Variants in PKN3 observed in about 807,000 individuals in gnomAD.
PKN3 encodes protein kinase N3, also known as serine/threonine-protein kinase N3.
A neutral mutation model predicts 113.1 loss-of-function variants in PKN3; 91 were observed. That is an observed-to-expected ratio of 0.80 (90% confidence interval 0.68 to 0.96). The LOEUF (loss-of-function observed/expected upper bound fraction) is 0.96, where lower values mean the gene tolerates loss of function less well. PKN3 is among the 40% of genes least tolerant of loss of function. PKN3 has a pLI of 0.00. For missense variants in PKN3, 1,052 were observed against 1,202.2 expected (o/e 0.88, Z 1.85); for synonymous variants, 467 against 499.0 (o/e 0.94, Z 0.85).
chr9:128,713,740 G>T, intron 9 of PKN3, 98 bp downstream of exon 9: 1 of 1,244,700 alleles, frequency 8.0e-7, no homozygotes, highest in South Asian at 1.4e-5. Flanking sequence ...TGCAGAGACT[G>T]ACGACCAGAG....
chr9:128,714,371 G>T lies in PKN3; in HGVS notation c.1481+6G>T. On this transcript the variant is annotated splice_donor_region_variant and intron_variant, in intron 11 of 21. Coordinates refer to ENST00000291906, the MANE Select transcript of PKN3 (RefSeq NM_013355.5). ...TCTGACCCTGCCACTCCCAGGTGAG[G>T]AGCTCCCTTGCCCTAGACTGCATGC... The T allele has an allele frequency of 6.3e-7, 1 of 1,596,624 alleles. No homozygotes were observed. The highest frequency in any genetic ancestry group is 8.5e-7 in the Non-Finnish European group (1 of 1,170,050).
At chr9:128,709,292 A>AG (rs1564372034) in intron 6 of PKN3, among the ~76,000 whole-genome samples, 1 of 44,546 alleles carries the variant, frequency 2.2e-5, no homozygotes, top group African/African-American at 4.1e-5. Context: ...TCAAAAAAAA[A>AG]TAAAAAAATA....
intron 16 of PKN3, among the ~76,000 whole-genome samples, chr9:128,717,142 T>TC (rs1283832934): frequency 7.8e-6 from 1 of 127,716 alleles, no homozygotes; most frequent in African/African-American, 2.8e-5. Flanking sequence ...TTTTTTTTTT[T>TC]TGTGAGACAG....
rs140271016 is a variant in PKN3 at position 128,706,970 on chromosome 9, G to T, written c.598G>T (p.Val200Leu). ...AGCTGTGGCTGAGGGCGCCAAGAAC[G>T]TGGTGAAACTGCTTAGTAGCCGGAG... ...EAAVAEGAKNVVKLLSSRRTQ... is the reference protein window; with the variant it reads ...EAAVAEGAKNLVKLLSSRRTQ... Residue 200 changes from valine to leucine, a missense_variant, in exon 5 of 22, where the codon GTG (valine) becomes TTG (leucine). Physicochemically the swap from Val to Leu is conservative, Grantham distance 32. Around this residue, in one of 2 missense-constraint regions of PKN3, gnomAD observed 719 missense variants for 759.4 expected, o/e 0.95. Transcript: ENST00000291906. 1 of 1,614,092 alleles carries T rather than the reference G, an allele frequency of 6.2e-7. No homozygotes were observed. The highest frequency in any genetic ancestry group is 8.5e-7 in the Non-Finnish European group (1 of 1,180,042).
In PKN3 at chr9:128,719,685, G is replaced by C. The variant is rs1862463921; in HGVS notation, c.2126-1G>C. 1.3e-6 allele frequency: 2 copies of C among 1,542,906 alleles called. No homozygotes were observed. Among genetic ancestry groups the C allele is most frequent in the Non-Finnish European group, 1.7e-6 (2 of 1,145,158 alleles). ...CTATTGGTGTGCCTGTTGGTTTGCA[G>C]GGATCGGCTTCGGGGACCGGACTAG... is the stretch of plus-strand genomic sequence containing the variant. On this transcript the variant is annotated splice_acceptor_variant, in intron 18 of 21. Transcript: ENST00000291906. LOFTEE classifies it high-confidence loss of function.
chr9:128,707,172 C>A, intron 5 of PKN3, 50 bp from the exon 6 acceptor site: 1 of 1,579,116 alleles, frequency 6.3e-7, no homozygotes, highest in South Asian at 1.1e-5. Flanking sequence ...TGGGCTGCTG[C>A]CCCCTGCCAT....
rs377598367 is a variant in PKN3 at position 128,719,769 on chromosome 9, A to G, written c.2209A>G (p.Thr737Ala). Reference sequence around the variant, plus strand: ...CGAGGTGCTGACCCAGGAGGCATACACACGGGCTGTGGACTGGTGGGGGCT... The same window carrying G: ...CGAGGTGCTGACCCAGGAGGCATACGCACGGGCTGTGGACTGGTGGGGGCT... Reference protein sequence around the residue: ...APEVLTQEAYTRAVDWWGLGV... With the variant: ...APEVLTQEAYARAVDWWGLGV... The change falls in exon 19 of 22, where the codon ACA becomes GCA. Residue 737 changes from threonine to alanine, a missense_variant. By Grantham distance (58) the Thr-to-Ala change is moderately conservative. Around this residue, in one of 2 missense-constraint regions of PKN3, gnomAD observed 333 missense variants for 442.8 expected, o/e 0.75. Transcript: ENST00000291906. 4.4e-6 allele frequency: 7 copies of G among 1,605,840 alleles called. No homozygotes were observed. The Admixed American group carries it at 5.0e-5, about 12-fold the overall frequency.
Position 128,718,148 on chromosome 9 carries a change from G to A in PKN3, c.1986-177G>A, listed in dbSNP as rs539786500. The stretch of plus-strand genomic sequence containing the variant: ...CTGGAAATGCACGCAACCTTGGGGC[G>A]ACCTTGGGACTATTGGAGCACCCCC... On this transcript the variant is annotated intron_variant, in intron 16 of 21. Transcript: ENST00000291906. 5.9e-5 allele frequency among the ~76,000 whole-genome samples: 9 copies of A among 152,160 alleles called. No homozygotes were observed. The South Asian group carries it at 6.2e-4, about 11-fold the overall frequency.
chr9:128,702,919 G>C lies in PKN3; in HGVS notation c.4G>C (p.Glu2Gln). Residue 2 changes from glutamate to glutamine, a missense_variant, in exon 1 of 22, where the codon GAG (glutamate) becomes CAG (glutamine). Physicochemically the swap from Glu to Gln is conservative, Grantham distance 29. This residue lies in a region of PKN3 where 719 missense variants were observed against 759.4 expected (regional missense o/e 0.95). Transcript: ENST00000291906. MEEGAPRQPGPS... is the reference protein window; with the variant it reads MQEGAPRQPGPS... The stretch of plus-strand genomic sequence containing the variant: ...CCCAAGCGGCCGGAGCGGCGCCATG[G>C]AGGAGGGGGCGCCGCGGCAGGTGAA... 1 of 1,472,224 alleles carries C rather than the reference G, an allele frequency of 6.8e-7. No homozygotes were observed. Among genetic ancestry groups the C allele is most frequent in the Non-Finnish European group, 8.9e-7 (1 of 1,117,356 alleles). The allele number at this position is 1,472,224 out of a possible 1,614,324, so 91.2% of individuals were successfully genotyped here.
In PKN3 at chr9:128,720,128, G is replaced by A; in HGVS notation, c.2377-75G>A. On this transcript the variant is annotated intron_variant, in intron 20 of 21. Transcript: ENST00000291906. The surrounding 1 kb of genome is among the most constrained non-coding windows in gnomAD (Gnocchi z 5.5). ...CCCATCCTTAGAGCGCTCTGGGCCA[G>A]CGTGCTTGGGGCCTGTGGATGATGG... 3 of 1,550,952 alleles carry A rather than the reference G, an allele frequency of 1.9e-6. No individual in the cohort carries two copies. Among genetic ancestry groups the A allele is most frequent in the Non-Finnish European group, 2.7e-6 (3 of 1,126,836 alleles).
At chr9:128,717,055 T>C in intron 16 of PKN3, 132 bp downstream of exon 16, 1 of 588,058 alleles carries the variant, frequency 1.7e-6, no homozygotes. Context: ...GTTTACATCC[T>C]GGCACCAACT....
rs375745293 is a variant in PKN3, at chr9:128,715,353, C to T, written c.1717-16C>T. On this transcript the variant is annotated splice_polypyrimidine_tract_variant and intron_variant, in intron 14 of 21. Coordinates refer to ENST00000291906, the MANE Select transcript of PKN3 (RefSeq NM_013355.5). The surrounding 1 kb of genome is among the most constrained non-coding windows in gnomAD (Gnocchi z 4.1). ...TGGTCTGGCCCACCTGGAGCACAAC[C>T]TCTCTCTGGCCCCAGGTCCTCCTGG... The T allele has an allele frequency of 3.7e-6, 6 of 1,612,176 alleles. No homozygotes were observed. In the African/African-American group the frequency reaches 6.7e-5, roughly 18 times the overall value.
At chr9:128,713,464 G>A (rs747336470) in intron 8 of PKN3, 35 bp from the exon 9 acceptor site, 14 of 1,613,446 alleles carry the variant, frequency 8.7e-6, no homozygotes, top group Non-Finnish European at 1.1e-5. Flanking sequence ...GGCTCGTTCT[G>A]CACCCCACCC....
rs1210042757 is a variant in PKN3, at chr9:128,715,385, T to G, written c.1733T>G (p.Phe578Cys). 1 of 1,613,916 alleles carries G rather than the reference T, an allele frequency of 6.2e-7. No homozygotes were observed. Among genetic ancestry groups the G allele is most frequent in the South Asian group, 1.1e-5 (1 of 91,076 alleles). Reference sequence around the variant, plus strand: ...TGGCCCCAGGTCCTCCTGGTCCAGTTCAAGGGGACAGGGAAATACTACGCC... The same window carrying G: ...TGGCCCCAGGTCCTCCTGGTCCAGTGCAAGGGGACAGGGAAATACTACGCC... ...GHFGKVLLVQ[F>C]KGTGKYYAIK... is the part of the protein sequence containing the mutation. Residue 578 changes from phenylalanine to cysteine, a missense_variant, in exon 15 of 22, where the codon TTC becomes TGC. Phe to Cys is a radical substitution (Grantham distance 205, BLOSUM62 -2). Coordinates refer to ENST00000291906, the MANE Select transcript of PKN3 (RefSeq NM_013355.5). This position sits in a 1 kb window ranked among gnomAD's most constrained non-coding sequence, Gnocchi z 4.1.
Position 128,713,654 on chromosome 9 carries a change from C to G in PKN3, c.1236+12C>G, listed in dbSNP as rs1258699390. The G allele has an allele frequency of 1.9e-6, 3 of 1,612,904 alleles. No homozygotes were observed. The highest frequency in any genetic ancestry group is 2.5e-6 in the Non-Finnish European group (3 of 1,179,644). On this transcript the variant is annotated intron_variant, in intron 9 of 21. Transcript: ENST00000291906. Reference sequence around the variant, plus strand: ...TGCTTTTTGCCCAGGTGCTCACCACCTCCGCCCTCTGACTTGGTGGGACCC... The same window carrying G: ...TGCTTTTTGCCCAGGTGCTCACCACGTCCGCCCTCTGACTTGGTGGGACCC...
At chr9:128,703,865 G>A (rs1233401798) in intron 1 of PKN3, 2 of 985,306 alleles carry the variant, frequency 2.0e-6, no homozygotes, top group Admixed American at 1.2e-4. Context: ...CACATTTTCC[G>A]ATTTCCTGCG....
intron 16 of PKN3, 67 bp downstream of exon 16, chr9:128,716,990 A>C: frequency 7.4e-7 from 1 of 1,350,808 alleles, no homozygotes; most frequent in Non-Finnish European, 1.1e-6. Flanking sequence ...CCCACTCTCT[A>C]CATACTGCTT....
At chr9:128,712,928 G>A in intron 6 of PKN3, 124 bp from the exon 7 acceptor site, 1 of 1,012,352 alleles carries the variant, frequency 9.9e-7, no homozygotes, top group Non-Finnish European at 1.5e-6. Flanking sequence ...CCTGGCCTCA[G>A]GTGGGTACGG....
Position 128,718,631 on chromosome 9 carries a change from G to A in PKN3, c.2125+6G>A, listed in dbSNP as rs1214339847. 1 of 1,613,788 alleles carries A rather than the reference G, an allele frequency of 6.2e-7. No homozygotes were observed. The highest frequency in any genetic ancestry group is 8.5e-7 in the Non-Finnish European group (1 of 1,179,792). ...CTTTGGACTCTGCAAGGAAGGTGGG[G>A]GCCGCCCATTGGGATCCATATCTCC... On this transcript the variant is annotated splice_donor_region_variant and intron_variant, in intron 18 of 21. Coordinates refer to ENST00000291906, the MANE Select transcript of PKN3 (RefSeq NM_013355.5).
Sources: gnomAD v4.1 joint callset for allele counts (sites outside exome capture counted in the v4.1 genomes callset) on GRCh38, gnomAD v4.1.1 for gene constraint, gnomAD v4.1.1 regional missense constraint, Gnocchi (gnomAD v3.1) non-coding constraint, MANE v1.5 for transcripts, NCBI Gene and HGNC (gene_info 2026-07-23, HGNC 2026-07-21) for gene names.